The following CCDC171 variants were observed in gnomAD, a reference collection of about 807,000 sequenced individuals.
CCDC171 encodes coiled-coil domain-containing protein 171.
Under a neutral mutation model 168.2 loss-of-function variants are expected in CCDC171, and 177 were observed. The ratio of observed to expected loss-of-function variants is 1.05; its 90% CI spans 0.93 to 1.19. The LOEUF (loss-of-function observed/expected upper bound fraction) is 1.19. Among genes scored for constraint, CCDC171 ranks in the 50% most tolerant of loss-of-function variants. CCDC171 has a pLI of 0.00. For synonymous variants in CCDC171, 687 were observed against 540.8 expected, an observed-to-expected ratio of 1.27 and a Z score of -3.75; for missense variants, 1,991 against 1,539.0, an observed-to-expected ratio of 1.29 and a Z score of -4.91.
chr9:15,559,273 A>G (rs992679895), intron 1 of CCDC171, among the ~76,000 whole-genome samples: 2 of 152,072 alleles, frequency 1.3e-5, no homozygotes, highest in African/African-American at 2.4e-5. Context: ...GCTGAGTTCA[A>G]TTCCTGGATA....
chr9:15,746,748 T>C (rs2055315151), intron 18 of CCDC171, among the ~76,000 whole-genome samples: 2 of 152,108 alleles, frequency 1.3e-5, no homozygotes, highest in African/African-American at 4.8e-5. Flanking sequence ...CTGAGACTGG[T>C]TGGACAGTGG....
Position 15,562,824 on chromosome 9 carries a change from A to G in CCDC171, c.-111-1154A>G, listed in dbSNP as rs1044577030. Among the ~76,000 whole-genome samples, 11 of 152,250 alleles carry G rather than the reference A, an allele frequency of 7.2e-5. No individual in the cohort carries two copies. In the East Asian group the frequency reaches 1.7e-3, roughly 24 times the overall value. On this transcript the variant is annotated intron_variant, in intron 1 of 25. Transcript: ENST00000380701. ...GTTCTAACTCTTACTTTCATTCTGA[A>G]GGAAGTTTCCCTGGGGTCTGACCTT... is the stretch of plus-strand genomic sequence containing the variant.
chr9:15,912,406 G>C (rs1823810184), intron 24 of CCDC171, among the ~76,000 whole-genome samples: 2 of 152,184 alleles, frequency 1.3e-5, no homozygotes, highest in Admixed American at 6.5e-5. Context: ...TTTGTATCCA[G>C]AGACTTTGCT....
intron 10 of CCDC171, among the ~76,000 whole-genome samples, chr9:15,682,231 A>C (rs2050087926): frequency 6.6e-6 from 1 of 152,080 alleles, no homozygotes; most frequent in African/African-American, 2.4e-5. Flanking sequence ...GCATAGCCTT[A>C]TGCTGTATCC....
At position 15,658,099 on chromosome 9, in the gene CCDC171, G is replaced by T; in HGVS notation, c.915+880G>T. Among the ~76,000 whole-genome samples, 3 of 152,288 alleles carry T rather than the reference G, an allele frequency of 2.0e-5. No homozygotes were observed. The South Asian group carries it at 6.2e-4, about 32-fold the overall frequency. ...GAAAATGTTTACTGACCACTGTTCTGAACAACTGCTTGGATAAAGCCACTA... is the reference window on the plus strand; with the variant it reads ...GAAAATGTTTACTGACCACTGTTCTTAACAACTGCTTGGATAAAGCCACTA... On this transcript the variant is annotated intron_variant, in intron 8 of 25. Coordinates refer to ENST00000380701, the MANE Select transcript of CCDC171 (RefSeq NM_173550.4).
chr9:15,648,368 A>G (rs1181703538), intron 7 of CCDC171, among the ~76,000 whole-genome samples: 3 of 152,206 alleles, frequency 2.0e-5, no homozygotes, highest in African/African-American at 4.8e-5. Flanking sequence ...CACCATTCCT[A>G]TTCAACATAG....
intron 25 of CCDC171, 128 bp from the exon 26 acceptor site, chr9:15,971,481 G>A (rs1831349795): frequency 1.7e-6 from 1 of 601,004 alleles, no homozygotes; most frequent in African/African-American, 1.9e-5. Flanking sequence ...GTAGATTATT[G>A]AAATAGTAGT....
At chr9:15,731,227 C>G (rs574832177) in intron 16 of CCDC171, among the ~76,000 whole-genome samples, 2 of 152,050 alleles carry the variant, frequency 1.3e-5, no homozygotes, top group South Asian at 2.1e-4. Flanking sequence ...CTTTCCTCCC[C>G]CAACACACCC....
intron 25 of CCDC171, among the ~76,000 whole-genome samples, chr9:15,945,329 G>A (rs1292644142): frequency 4.1e-5 from 6 of 145,940 alleles, no homozygotes; most frequent in Middle Eastern, 3.5e-3. Context: ...GAATAATGCC[G>A]CAATAAACAT....
chr9:16,061,799 C>T (rs1373474836), downstream of CCDC171: 1 of 152,200 alleles, frequency 6.6e-6, no homozygotes. Context: ...AGATAGCAAG[C>T]AACTTGTCCA....
chr9:15,668,511 C>G (rs1364363048), intron 9 of CCDC171, among the ~76,000 whole-genome samples: 6 of 152,068 alleles, frequency 3.9e-5, no homozygotes, highest in African/African-American at 1.2e-4. Flanking sequence ...AACATAATGT[C>G]CCTTATATCT....
At chr9:16,091,708 A>G in the CCDC171 span, among the ~76,000 whole-genome samples, 1 of 152,156 alleles carries the variant, frequency 6.6e-6, no homozygotes, top group Admixed American at 6.5e-5. Flanking sequence ...GATATTTCTG[A>G]TTCTTCCTGA....
intron 18 of CCDC171, among the ~76,000 whole-genome samples, chr9:15,774,501 T>C (rs1347745367): frequency 6.6e-6 from 1 of 152,116 alleles, no homozygotes; most frequent in Non-Finnish European, 1.5e-5. Flanking sequence ...CTTTACACTG[T>C]TTGTGGGAAT....
At chr9:15,873,725 A>T (rs1817484423) in intron 23 of CCDC171, among the ~76,000 whole-genome samples, 1 of 152,070 alleles carries the variant, frequency 6.6e-6, no homozygotes, top group Non-Finnish European at 1.5e-5. Flanking sequence ...GAATGTTTCC[A>T]TTTATATTAT....
chr9:15,858,992 A>T (rs1278207273), intron 23 of CCDC171, among the ~76,000 whole-genome samples: 1 of 152,090 alleles, frequency 6.6e-6, no homozygotes, highest in Non-Finnish European at 1.5e-5. Context: ...TTAAGTTTTT[A>T]ATCATTGAGT....
chr9:15,880,262 G>T (rs1399779391), intron 24 of CCDC171, among the ~76,000 whole-genome samples: 1 of 152,168 alleles, frequency 6.6e-6, no homozygotes, highest in African/African-American at 2.4e-5. Context: ...TTATCAAAAA[G>T]ATTTTGGATT....
intron 1 of CCDC171, chr9:15,553,630 C>T (rs2038521837): frequency 6.6e-6 from 1 of 152,222 alleles, no homozygotes; most frequent in Non-Finnish European, 1.5e-5. Context: ...GGATAGGGAC[C>T]ACGTCTTTCA....
At chr9:16,049,423 A>C (rs1373900858) in intron 1 of CCDC171, among the ~76,000 whole-genome samples, 1 of 152,218 alleles carries the variant, frequency 6.6e-6, no homozygotes, top group Non-Finnish European at 1.5e-5. Context: ...TGAATTAGGC[A>C]GGGAAGATCT....
At chr9:15,568,691 C>G (rs2039955126) in intron 2 of CCDC171, among the ~76,000 whole-genome samples, 1 of 152,116 alleles carries the variant, frequency 6.6e-6, no homozygotes, top group Non-Finnish European at 1.5e-5. Context: ...TGCTTGTTGG[C>G]TGCATGTATG....
Sources: allele counts gnomAD v4.1 joint callset (sites outside exome capture counted in the v4.1 genomes callset), GRCh38; gene constraint gnomAD v4.1.1; transcripts MANE v1.5; gene names NCBI Gene and HGNC (gene_info 2026-07-23, HGNC 2026-07-21).